The following SLC6A8 variants were observed in gnomAD, a reference collection of about 807,000 sequenced individuals.
SLC6A8 encodes sodium- and chloride-dependent creatine transporter 1.
SLC6A8 carries 6 observed loss-of-function variants against 48.3 expected under a neutral mutation model. The ratio of observed to expected loss-of-function variants is 0.12; its 90% CI spans 0.07 to 0.25. The LOEUF (loss-of-function observed/expected upper bound fraction) is 0.25, where lower values mean the gene tolerates loss of function less well. Ranked by LOEUF, SLC6A8 falls within the 10% of genes least tolerant of loss-of-function variation. The pLI, the probability that SLC6A8 is intolerant of heterozygous loss-of-function variation, is 1.00. For missense variants in SLC6A8, 260 were observed against 551.5 expected (o/e 0.47, Z 5.29); for synonymous variants, 245 against 244.0 (o/e 1.00, Z -0.04).
chrX:153,690,894 C>CT (rs1332637833), intron 2 of SLC6A8: 6 of 220,034 alleles, frequency 2.7e-5, no homozygotes, highest in South Asian at 5.3e-5. Flanking sequence ...GACTAGAAAC[C>CT]CCCCCCCCCC....
Position 153,694,177 on chromosome X carries a change from G to A in SLC6A8, c.1302G>A (p.Pro434=), listed in dbSNP as rs1463546168. The A allele has an allele frequency of 8.3e-6, 10 of 1,210,532 alleles. No individual in the cohort carries two copies. Among genetic ancestry groups the A allele is most frequent in the South Asian group, 1.8e-5 (1 of 56,950 alleles). Residue 434 remains proline, a synonymous_variant, in exon 9 of 13, where the codon CCG becomes CCA. Transcript: ENST00000253122. ...GFITGLLDLL[P]ASYYFRFQRE... is the part of the protein sequence containing the mutation. ...TCACCGGCCTCCTCGACCTCCTCCC[G>A]GCCTCCTACTACTTCCGTTTCCAAA...
rs782325571 is a variant in SLC6A8, at chrX:153,694,549, G to T, written c.1512G>T (p.Met504Ile). Reference protein sequence around the residue: ...VAWVYGADRFMDDIACMIGYR... With the variant: ...VAWVYGADRFIDDIACMIGYR... Reference sequence around the variant, plus strand: ...TCGCCGCAGGAGCTGACCGCTTCATGGACGACATTGCCTGTATGATCGGGT... The same window carrying T: ...TCGCCGCAGGAGCTGACCGCTTCATTGACGACATTGCCTGTATGATCGGGT... Residue 504 changes from methionine (M) to isoleucine (I), a missense_variant, in exon 11 of 13, where the codon ATG (methionine) becomes ATT (isoleucine). Physicochemically the swap from Met to Ile is conservative, Grantham distance 10. This residue lies in a region of SLC6A8 where 87 missense variants were observed against 120.9 expected (regional missense o/e 0.72). Transcript: ENST00000253122. 6 of 1,210,286 alleles carry T rather than the reference G, an allele frequency of 5.0e-6. No individual in the cohort carries two copies. The highest frequency in any genetic ancestry group is 6.7e-6 in the Non-Finnish European group (6 of 894,470).
In SLC6A8 at chrX:153,688,528, C is replaced by T; in HGVS notation, c.-47C>T. The T allele has an allele frequency of 1.5e-6, 1 of 676,478 alleles. No homozygotes were observed. Among genetic ancestry groups the T allele is most frequent in the South Asian group, 5.9e-5 (1 of 17,037 alleles). 55.7% of individuals were successfully genotyped at this position (676,478 alleles called of 1,213,427 possible). A position where few individuals can be genotyped will look rare whatever the true frequency, so the allele number is the denominator to read the frequency against. Reference sequence around the variant, plus strand: ...GTGCCCCCCGCCTGACCGCCGCCCCCCGTGAGGCGCCGCGACCCCGGCCCG... The same window carrying T: ...GTGCCCCCCGCCTGACCGCCGCCCCTCGTGAGGCGCCGCGACCCCGGCCCG... On this transcript the variant is annotated 5_prime_UTR_variant, in exon 1 of 13. Transcript: ENST00000253122.
Position 153,691,762 on chromosome X carries a change from CT to C in SLC6A8, c.644+210del, listed in dbSNP as rs1193000488. On this transcript the variant is annotated intron_variant, in intron 3 of 12. Transcript: ENST00000253122. ...CGATCACTGTCCTGGTCACTCCCCC[CT>C]GATGGGGGAGCTGGGGCTGCATGTG... Among the ~76,000 whole-genome samples, 32 of 113,029 alleles carry C rather than the reference CT, an allele frequency of 2.8e-4. 1 individual carries two copies. The highest frequency in any genetic ancestry group is 2.2e-4 in the African/African-American group (7 of 31,182).
rs1557044479 is a variant in SLC6A8 at position 153,691,566 on chromosome X, C to T, written c.644+13C>T. 1 of 1,210,963 alleles carries T rather than the reference C, an allele frequency of 8.3e-7. No individual in the cohort carries two copies. Among genetic ancestry groups the T allele is most frequent in the Middle Eastern group, 2.4e-4 (1 of 4,128 alleles). ...TCGAGTTCTGGGAGTGAGTCCGGCACCTCTGGGCCAAGCCCATCCCATCCC... is the reference window on the plus strand; with the variant it reads ...TCGAGTTCTGGGAGTGAGTCCGGCATCTCTGGGCCAAGCCCATCCCATCCC... On this transcript the variant is annotated intron_variant, in intron 3 of 12. Coordinates refer to ENST00000253122, the MANE Select transcript of SLC6A8 (RefSeq NM_005629.4).
At position 153,690,409 on chromosome X, in the gene SLC6A8, G is replaced by T; in HGVS notation, c.297G>T (p.Leu99=). ...VFLIPYVLIA[L]VGGIPIFFLE... is the part of the protein sequence containing the mutation. ...TTATTCCCTACGTCCTGATCGCCCT[G>T]GTTGGAGGAATCCCCATTTTCTTCT... Residue 99 remains leucine (L), a synonymous_variant, in exon 2 of 13, where the codon CTG becomes CTT. Transcript: ENST00000253122. The T allele has an allele frequency of 8.3e-7, 1 of 1,200,524 alleles. No homozygotes were observed. The highest frequency in any genetic ancestry group is 2.2e-5 in the Admixed American group (1 of 44,887).
Position 153,694,554 on chromosome X carries a change from A to G in SLC6A8, c.1517A>G (p.Asp506Gly), listed in dbSNP as rs1218740062. Residue 506 changes from aspartate to glycine, a missense_variant, in exon 11 of 13, where the codon GAC (aspartate) becomes GGC (glycine). Coordinates refer to ENST00000253122, the MANE Select transcript of SLC6A8 (RefSeq NM_005629.4). ...GCAGGAGCTGACCGCTTCATGGACG[A>G]CATTGCCTGTATGATCGGGTACCGA... Reference protein sequence around the residue: ...WVYGADRFMDDIACMIGYRPC... With the variant: ...WVYGADRFMDGIACMIGYRPC... 1.7e-6 allele frequency: 2 copies of G among 1,207,150 alleles called. No individual in the cohort carries two copies. The highest frequency in any genetic ancestry group is 2.2e-6 in the Non-Finnish European group (2 of 893,974).
At chrX:153,689,862 C>T (rs1431662329) in intron 1 of SLC6A8, among the ~76,000 whole-genome samples, 1 of 112,429 alleles carries the variant, frequency 8.9e-6, no homozygotes, top group Non-Finnish European at 1.9e-5. Flanking sequence ...ATCGCCATCC[C>T]ACCAGCAGGG....
Position 153,695,116 on chromosome X carries a change from T to A in SLC6A8, c.1810T>A (p.Leu604Met), listed in dbSNP as rs1301772452. The A allele has an allele frequency of 3.6e-5, 43 of 1,201,677 alleles. No individual in the cohort carries two copies. Among genetic ancestry groups the A allele is most frequent in the Admixed American group, 6.6e-5 (3 of 45,177 alleles). ...LTQPIWGLHHLEYRAQDADVR... is the reference protein window; with the variant it reads ...LTQPIWGLHHMEYRAQDADVR... ...CCAGCCCATCTGGGGCCTCCACCAC[T>A]TGGAGTACCGAGCTCAGGACGCAGA... Residue 604 changes from leucine (L) to methionine (M), a missense_variant, in exon 13 of 13, where the codon TTG becomes ATG. Transcript: ENST00000253122.
At position 153,694,022 on chromosome X, in the gene SLC6A8, G is replaced by T; in HGVS notation, c.1254+5G>T. ...CTGCTTGGTCTCGACAGCCAGGTTT[G>T]CATGGGGCTCTGGGACAGGGAGCCA... On this transcript the variant is annotated splice_donor_5th_base_variant and intron_variant, in intron 8 of 12. Transcript: ENST00000253122. 1 of 1,181,262 alleles carries T rather than the reference G, an allele frequency of 8.5e-7. No homozygotes were observed. The highest frequency in any genetic ancestry group is 1.1e-6 in the Non-Finnish European group (1 of 876,420).
chrX:153,693,648 C>T, intron 7 of SLC6A8, 62 bp downstream of exon 7: 1 of 1,112,339 alleles, frequency 9.0e-7, no homozygotes, highest in Non-Finnish European at 1.2e-6. Context: ...GCATGATGTA[C>T]AGGAACATGC....
rs1438375092 is a variant in SLC6A8 at position 153,695,394 on chromosome X, C to G, written c.*180C>G. On this transcript the variant is annotated 3_prime_UTR_variant, in exon 13 of 13. Coordinates refer to ENST00000253122, the MANE Select transcript of SLC6A8 (RefSeq NM_005629.4). Reference sequence around the variant, plus strand: ...ACTTTTTCCATTTTTAATAAAACGCCAAAAATATCACAACCCACCAAAAAT... The same window carrying G: ...ACTTTTTCCATTTTTAATAAAACGCGAAAAATATCACAACCCACCAAAAAT... 6.2e-6 allele frequency: 3 copies of G among 480,803 alleles called. No individual in the cohort carries two copies. In the African/African-American group the frequency reaches 7.2e-5, roughly 12 times the overall value. The allele number at this position is 480,803 out of a possible 1,213,427, so 39.6% of individuals were successfully genotyped here.
rs1244073778 is a variant in SLC6A8, at chrX:153,696,394, G to C, written c.*1180G>C. 1.7e-4 allele frequency: 56 copies of C among 330,235 alleles called. No individual in the cohort carries two copies. The highest frequency in any genetic ancestry group is 1.3e-3 in the African/African-American group (51 of 37,916). The allele number at this position is 330,235 out of a possible 1,213,427, so 27.2% of individuals were successfully genotyped here. A position where few individuals can be genotyped will look rare whatever the true frequency, so the allele number is the denominator to read the frequency against. On this transcript the variant is annotated 3_prime_UTR_variant, in exon 13 of 13. Transcript: ENST00000253122. ...GCACTTCCCGCACCTCCAGTCTTCT[G>C]TGTAGCAGCTTTAACCCACGTTTGT...
At chrX:153,690,583 G>T in intron 2 of SLC6A8, 77 bp downstream of exon 2, 2 of 1,058,137 alleles carry the variant, frequency 1.9e-6, no homozygotes, top group Non-Finnish European at 2.6e-6. Flanking sequence ...TTTTCCTGTC[G>T]TGAGCACCAG....
intron 4 of SLC6A8, 138 bp from the exon 5 acceptor site, chrX:153,692,903 T>G: frequency 1.2e-6 from 1 of 849,913 alleles, no homozygotes; most frequent in Non-Finnish European, 1.7e-6. Context: ...GCCCCTAGCT[T>G]CCTCTGGCGG....
At chrX:153,695,017 CACCGTGGGGACGAGCAGGTG>C (rs1387732376) in intron 12 of SLC6A8, 37 bp from the exon 13 acceptor site, 1 of 1,164,751 alleles carries the variant, frequency 8.6e-7, no homozygotes, top group Admixed American at 2.4e-5. Flanking sequence ...CAGAGGAAGT[CACCGTGGGGACGAGCAGGTG>C]ACCCTGGGGG....
Position 153,694,877 on chromosome X carries a change from C to T in SLC6A8, c.1755C>T (p.Gly585=), listed in dbSNP as rs1424086764. Residue 585 remains glycine (G), a synonymous_variant, in exon 12 of 13, where the codon GGC becomes GGT. Coordinates refer to ENST00000253122, the MANE Select transcript of SLC6A8 (RefSeq NM_005629.4). ...TGGGCTGCCTCCTCAGGGCCAAGGG[C>T]ACCATGGCTGAGGTAAGGCTCCCGC... ...HLLGCLLRAK[G]TMAERWQHLT... is the part of the protein sequence containing the mutation. The T allele has an allele frequency of 8.4e-7, 1 of 1,194,975 alleles. No homozygotes were observed. The highest frequency in any genetic ancestry group is 3.0e-5 in the East Asian group (1 of 33,355).
chrX:153,688,246 C>A lies in SLC6A8; in HGVS notation c.-329C>A. On this transcript the variant is annotated 5_prime_UTR_variant, in exon 1 of 13. Coordinates refer to ENST00000253122, the MANE Select transcript of SLC6A8 (RefSeq NM_005629.4). ...AGGAGCCGCCGCAGCCGCCGCCGCC[C>A]GAGCCGCGGGCAGGAGCCTCGGGAG... 9.7e-6 allele frequency: 1 copy of A among 103,288 alleles called. No individual in the cohort carries two copies. The highest frequency in any genetic ancestry group is 3.2e-4 in the South Asian group (1 of 3,095). 8.5% of individuals were successfully genotyped at this position (103,288 alleles called of 1,213,427 possible).
At chrX:153,692,944 C>T (rs782429392) in intron 4 of SLC6A8, 97 bp from the exon 5 acceptor site, 4 of 1,068,758 alleles carry the variant, frequency 3.7e-6, no homozygotes, top group East Asian at 3.0e-5. Context: ...ATGGGGACCT[C>T]TGAACATACC....
Sources: allele counts gnomAD v4.1 joint callset (sites outside exome capture counted in the v4.1 genomes callset), GRCh38; gene constraint gnomAD v4.1.1; regional missense constraint gnomAD v4.1.1; transcripts MANE v1.5; gene names NCBI Gene and HGNC (gene_info 2026-07-23, HGNC 2026-07-21).